The following USP7 variants were observed in gnomAD, a reference collection of about 807,000 sequenced individuals.
USP7 encodes the protein ubiquitin C-terminal hydrolase 7.
In USP7, 9 loss-of-function variants were observed where a neutral mutation model predicts 162.9. The ratio of observed to expected loss-of-function variants is 0.06; its 90% CI spans 0.03 to 0.10. The LOEUF is 0.10. USP7 is among the 10% of genes least tolerant of loss of function. The pLI is 1.00. For missense variants in USP7, 715 were observed against 1,373.7 expected (o/e 0.52, Z 7.58); for synonymous variants, 562 against 475.9 (o/e 1.18, Z -2.35).
chr16:8,911,054 T>C (rs2061938895), intron 10 of USP7, among the ~76,000 whole-genome samples: 2 of 152,136 alleles, frequency 1.3e-5, no homozygotes, highest in African/African-American at 4.8e-5. Flanking sequence ...AAAATGACAA[T>C]ATGGAGGTAA....
At chr16:8,915,170 A>G (rs2062009512) in intron 10 of USP7, 84 bp downstream of exon 10, 3 of 1,307,414 alleles carry the variant, frequency 2.3e-6, no homozygotes, top group African/African-American at 3.0e-5. Flanking sequence ...GACTATTTAA[A>G]AAAACATCAC....
intron 14 of USP7, among the ~76,000 whole-genome samples, chr16:8,904,789 A>T (rs1485230397): frequency 1.3e-5 from 2 of 150,898 alleles, no homozygotes; most frequent in Non-Finnish European, 3.0e-5. Flanking sequence ...ACTAAAAAAA[A>T]AAATAAAATA....
intron 27 of USP7, 48 bp downstream of exon 27, chr16:8,895,594 T>A: frequency 6.9e-7 from 1 of 1,439,466 alleles, no homozygotes; most frequent in Non-Finnish European, 9.7e-7. Flanking sequence ...ATGCAGCAGA[T>A]GGGGCTCATG....
chr16:8,926,109 G>A (rs913100765), intron 2 of USP7, among the ~76,000 whole-genome samples: 4 of 150,118 alleles, frequency 2.7e-5, no homozygotes, highest in Non-Finnish European at 4.4e-5. Context: ...AGCTGAGATC[G>A]CGCCACTGCA....
At chr16:8,911,336 C>T (rs1048409913) in intron 10 of USP7, among the ~76,000 whole-genome samples, 1 of 152,148 alleles carries the variant, frequency 6.6e-6, no homozygotes, top group Non-Finnish European at 1.5e-5. Context: ...AATAGTAAAA[C>T]GTAACAATTT....
At chr16:8,926,792 C>A (rs1483441776) in intron 2 of USP7, among the ~76,000 whole-genome samples, 3 of 152,196 alleles carry the variant, frequency 2.0e-5, no homozygotes, top group African/African-American at 7.2e-5. Context: ...CCGCATGCTT[C>A]TTTTTACTGT....
At chr16:8,953,627 TGCGGCGCC>T (rs1899665845) in intron 1 of USP7, among the ~76,000 whole-genome samples, 1 of 31,002 alleles carries the variant, frequency 3.2e-5, no homozygotes, top group Non-Finnish European at 6.7e-5. Context: ...ACGTGCCCCG[TGCGGCGCC>T]ACCGGAAGCA....
chr16:8,948,834 T>C (rs933149673), intron 1 of USP7, among the ~76,000 whole-genome samples: 1 of 152,252 alleles, frequency 6.6e-6, no homozygotes, highest in African/African-American at 2.4e-5. Context: ...CGTGGTGGCG[T>C]GTGCCTGCAG....
chr16:8,895,786 A>G (rs767559815), intron 26 of USP7, 45 bp from the exon 27 acceptor site: 6 of 1,289,722 alleles, frequency 4.7e-6, no homozygotes, highest in South Asian at 3.9e-5. Flanking sequence ...AAGTATATAT[A>G]TTCACATAAA....
rs1030715307 is a variant in USP7, at chr16:8,963,329, T to A, written c.-44A>T. The A allele has an allele frequency of 3.6e-6, 3 of 834,946 alleles. No homozygotes were observed. Among genetic ancestry groups the A allele is most frequent in the Admixed American group, 6.2e-5 (1 of 16,212 alleles). The allele number at this position is 834,946 out of a possible 1,614,324, so 51.7% of individuals were successfully genotyped here. On this transcript the variant is annotated 5_prime_UTR_variant, in exon 1 of 31. Coordinates refer to ENST00000344836, the MANE Select transcript of USP7 (RefSeq NM_003470.3). ...CTCGCCTGCGGCCGGGGGCCGGGGC[T>A]GCGAGCCCGGCGGGCGGGCGGCGGC...
intron 15 of USP7, among the ~76,000 whole-genome samples, chr16:8,903,881 A>G (rs1485101477): frequency 6.6e-6 from 1 of 151,780 alleles, no homozygotes; most frequent in East Asian, 1.9e-4. Context: ...AAAAAAAAAA[A>G]AGGAAAAGAA....
At chr16:8,907,928 T>C (rs1381672615) in intron 12 of USP7, among the ~76,000 whole-genome samples, 2 of 152,242 alleles carry the variant, frequency 1.3e-5, no homozygotes, top group African/African-American at 4.8e-5. Context: ...TGACGCCAAC[T>C]GAGAGACAAC....
intron 13 of USP7, among the ~76,000 whole-genome samples, chr16:8,906,209 T>C (rs890639053): frequency 2.0e-5 from 3 of 152,222 alleles, no homozygotes; most frequent in African/African-American, 4.8e-5. Context: ...GGGCCCAACA[T>C]TGATTACTCA....
At chr16:8,917,387 C>T (rs1411317374) in intron 6 of USP7, among the ~76,000 whole-genome samples, 5 of 152,176 alleles carry the variant, frequency 3.3e-5, no homozygotes, top group African/African-American at 2.4e-5. Context: ...TTGAAAATCA[C>T]CACCCACGTG....
chr16:8,941,426 T>C (rs1015783813), intron 1 of USP7, among the ~76,000 whole-genome samples: 1 of 152,316 alleles, frequency 6.6e-6, no homozygotes, highest in South Asian at 2.1e-4. Context: ...ATACGTTACT[T>C]TTCCAGACAG....
At chr16:8,914,406 G>A (rs1036153927) in intron 10 of USP7, among the ~76,000 whole-genome samples, 1 of 151,338 alleles carries the variant, frequency 6.6e-6, no homozygotes, top group Non-Finnish European at 1.5e-5. Flanking sequence ...CTACAGGCCA[G>A]TAATCCTCTT....
chr16:8,938,032 C>A (rs1400958128), intron 1 of USP7, among the ~76,000 whole-genome samples: 3 of 152,002 alleles, frequency 2.0e-5, no homozygotes. Context: ...GTCACTGGCC[C>A]CAGGGTAAGG....
chr16:8,899,280 A>C (rs986829346), intron 22 of USP7, 92 bp from the exon 23 acceptor site: 1 of 1,273,198 alleles, frequency 7.9e-7, no homozygotes, highest in Non-Finnish European at 1.1e-6. Flanking sequence ...TGCCATGAGC[A>C]GCCTGAATTT....
chr16:8,895,666 T>C lies in USP7; in HGVS notation c.2895A>G (p.Ala965=). 1 of 1,613,262 alleles carries C rather than the reference T, an allele frequency of 6.2e-7. No homozygotes were observed. The highest frequency in any genetic ancestry group is 8.5e-7 in the Non-Finnish European group (1 of 1,179,826). The part of the protein sequence containing the change: ...EDELLECLSP[A]TSRTFRIEEI... The stretch of plus-strand genomic sequence containing the variant: ...CCTCTATTCGAAACGTCCGGCTCGT[T>C]GCAGGAGATAAACATTCTAATAGTT... The change falls in exon 27 of 31, where the codon GCA becomes GCG. Residue 965 remains alanine, a synonymous_variant. Transcript: ENST00000344836.
Sources: gnomAD v4.1 joint callset for allele counts (sites outside exome capture counted in the v4.1 genomes callset) on GRCh38, gnomAD v4.1.1 for gene constraint, MANE v1.5 for transcripts, NCBI Gene and HGNC (gene_info 2026-07-23, HGNC 2026-07-21) for gene names.